HYCC1: variants seen among roughly 807,000 people sequenced by gnomAD.
HYCC1 encodes hyccin.
chr7:22,923,799 C>G, the HYCC1 span, among the ~76,000 whole-genome samples: 6 of 151,878 alleles, frequency 4.0e-5, no homozygotes, highest in African/African-American at 1.5e-4. Flanking sequence ...TATGCCAACA[C>G]ATTAGATAAC....
chr7:22,912,098 T>A, the HYCC1 span, among the ~76,000 whole-genome samples: 1 of 152,242 alleles, frequency 6.6e-6, no homozygotes, highest in African/African-American at 2.4e-5. Flanking sequence ...AAGGACCCAC[T>A]TTCTGGCATA....
chr7:22,990,266 T>C, the HYCC1 span, among the ~76,000 whole-genome samples: 2 of 152,218 alleles, frequency 1.3e-5, no homozygotes, highest in African/African-American at 4.8e-5. Flanking sequence ...CTACCCTTCC[T>C]CCAAATTACT....
At chr7:22,917,057 T>A in the HYCC1 span, among the ~76,000 whole-genome samples, 7 of 152,180 alleles carry the variant, frequency 4.6e-5, no homozygotes, top group African/African-American at 1.7e-4. Context: ...GCTAGGGCCA[T>A]CAAAAGGTGT....
the HYCC1 span, among the ~76,000 whole-genome samples, chr7:22,927,563 G>A: frequency 2.0e-5 from 3 of 152,138 alleles, no homozygotes; most frequent in Admixed American, 6.5e-5. Context: ...ACACCTCTAC[G>A]CAAATAAACT....
the HYCC1 span, among the ~76,000 whole-genome samples, chr7:22,995,385 G>C: frequency 6.6e-6 from 1 of 151,890 alleles, no homozygotes; most frequent in East Asian, 1.9e-4. Context: ...TAAATTCCTA[G>C]AAGTCTTAAT....
chr7:22,983,355 C>T, the HYCC1 span, among the ~76,000 whole-genome samples: 3 of 151,784 alleles, frequency 2.0e-5, no homozygotes, highest in African/African-American at 4.8e-5. Flanking sequence ...TCTAAATTAG[C>T]CATCTGAAAA....
chr7:22,982,720 C>T, the HYCC1 span, among the ~76,000 whole-genome samples: 1 of 152,082 alleles, frequency 6.6e-6, no homozygotes, highest in South Asian at 2.1e-4. Context: ...TCTTGCATTC[C>T]CCATCTTTTC....
chr7:22,971,109 G>C, the HYCC1 span, among the ~76,000 whole-genome samples: 3 of 151,710 alleles, frequency 2.0e-5, no homozygotes, highest in African/African-American at 7.3e-5. Flanking sequence ...AGACATGTGT[G>C]TTATTCTTAG....
the HYCC1 span, among the ~76,000 whole-genome samples, chr7:22,966,047 A>C: frequency 2.0e-5 from 3 of 152,196 alleles, no homozygotes; most frequent in Admixed American, 6.5e-5. Context: ...ATACTATAGA[A>C]ACTAAACATA....
the HYCC1 span, among the ~76,000 whole-genome samples, chr7:22,902,636 ATTT>A: frequency 6.6e-6 from 1 of 151,836 alleles, no homozygotes; most frequent in Non-Finnish European, 1.5e-5. Flanking sequence ...ATATATGGTT[ATTT>A]TTTTTAAAGT....
At chr7:22,899,348 C>T in the HYCC1 span, among the ~76,000 whole-genome samples, 2 of 152,078 alleles carry the variant, frequency 1.3e-5, no homozygotes, top group Admixed American at 1.3e-4. Flanking sequence ...GGGATGCTGG[C>T]ATAGAGGAAA....
chr7:23,012,704 A>G, the HYCC1 span, among the ~76,000 whole-genome samples: 1 of 152,232 alleles, frequency 6.6e-6, no homozygotes, highest in Non-Finnish European at 1.5e-5. Flanking sequence ...AGAAAAAAAA[A>G]TACTTGGAAA....
the HYCC1 span, chr7:22,938,589 GA>G: frequency 6.6e-6 from 1 of 152,134 alleles, no homozygotes; most frequent in South Asian, 2.1e-4. Flanking sequence ...CTGTATGGTA[GA>G]ATCATTTTTC....
At chr7:22,944,432 AATTG>A in the HYCC1 span, 1 of 152,126 alleles carries the variant, frequency 6.6e-6, no homozygotes, top group African/African-American at 2.4e-5. Flanking sequence ...GAGGTAACTA[AATTG>A]ATTATTCTTT....
At chr7:23,000,103 G>C in the HYCC1 span, among the ~76,000 whole-genome samples, 1 of 151,742 alleles carries the variant, frequency 6.6e-6, no homozygotes, top group Non-Finnish European at 1.5e-5. Context: ...TTTCTTTACG[G>C]GAGATTTTTT....
chr7:22,903,623 T>C, the HYCC1 span, among the ~76,000 whole-genome samples: 2 of 152,350 alleles, frequency 1.3e-5, no homozygotes, highest in Admixed American at 1.3e-4. Flanking sequence ...CACTGGTAAA[T>C]TTTATCAATC....
chr7:22,996,023 G>A, the HYCC1 span, among the ~76,000 whole-genome samples: 6 of 152,166 alleles, frequency 3.9e-5, no homozygotes, highest in South Asian at 2.1e-4. Flanking sequence ...GGCTGGGTGC[G>A]GTGGCTCACG....
At chr7:22,942,924 T>A in the HYCC1 span, 1 of 152,156 alleles carries the variant, frequency 6.6e-6, no homozygotes, top group African/African-American at 2.4e-5. Flanking sequence ...ATTTTGTTGT[T>A]AACGTAACTC....
At chr7:22,986,627 C>T in the HYCC1 span, among the ~76,000 whole-genome samples, 19 of 152,088 alleles carry the variant, frequency 1.2e-4, no homozygotes, top group Non-Finnish European at 2.4e-4. Flanking sequence ...GCAGGTGGAT[C>T]ACGAGGTCAG....
Sources: allele counts gnomAD v4.1 joint callset (sites outside exome capture counted in the v4.1 genomes callset), GRCh38; gene constraint gnomAD v4.1.1; transcripts MANE v1.5; gene names NCBI Gene and HGNC (gene_info 2026-07-23, HGNC 2026-07-21).